The following EPN1 variants were observed in gnomAD, a reference collection of about 807,000 sequenced individuals.
EPN1 encodes the protein epsin-1.
Under a neutral mutation model 56.9 loss-of-function variants are expected in EPN1, and 25 were observed. The observed-to-expected ratio is 0.44, with a 90% CI of 0.32 to 0.61. EPN1 has a LOEUF of 0.61. Ranked by LOEUF, EPN1 falls within the 20% of genes least tolerant of loss-of-function variation. EPN1 has a pLI of 0.05. For missense variants in EPN1, 785 were observed against 823.7 expected, an observed-to-expected ratio of 0.95 and a Z score of 0.58; for synonymous variants, 411 against 361.8, an observed-to-expected ratio of 1.14 and a Z score of -1.54.
In EPN1 at chr19:55,695,259, C is replaced by A; in HGVS notation, c.1634C>A (p.Pro545Gln). 6.2e-7 allele frequency: 1 copy of A among 1,609,800 alleles called. No homozygotes were observed. Among genetic ancestry groups the A allele is most frequent in the African/African-American group, 1.3e-5 (1 of 74,928 alleles). The change falls in exon 11 of 11, where the codon CCA (proline) becomes CAA (glutamine). Residue 545 changes from proline (P) to glutamine (Q), a missense_variant. Pro to Gln is a moderately conservative substitution (Grantham distance 76). Transcript: ENST00000270460. The surrounding 1 kb of genome is among the most constrained non-coding windows in gnomAD (Gnocchi z 4.4). ...LSPVPPVPGA[P>Q]PTYISPLGGG... The stretch of plus-strand genomic sequence containing the variant: ...CCTGTGCCTCCCGTCCCTGGAGCGC[C>A]ACCCACGTACATCTCTCCCCTTGGC...
chr19:55,688,765 T>TG (rs1046900799), intron 3 of EPN1, 105 bp from the exon 4 acceptor site: 3 of 1,484,716 alleles, frequency 2.0e-6, no homozygotes, highest in Non-Finnish European at 9.0e-7. Context: ...GTGGGGGACT[T>TG]GGGGGGTGGG....
At chr19:55,693,740 T>A (rs1168349237) in intron 9 of EPN1, among the ~76,000 whole-genome samples, 1 of 152,168 alleles carries the variant, frequency 6.6e-6, no homozygotes, top group Non-Finnish European at 1.5e-5. Context: ...GAAACCTGTT[T>A]CCACTGATGA....
rs556441234 is a variant in EPN1 at position 55,698,288 on chromosome 19, A to G, written c.*2932A>G. 412 of 152,178 alleles carry G rather than the reference A, an allele frequency of 2.7e-3. 1 individual carries two copies. Among genetic ancestry groups the G allele is most frequent in the Admixed American group, 6.0e-3 (91 of 15,274 alleles). 9.4% of individuals were successfully genotyped at this position (152,178 alleles called of 1,614,324 possible). ...GCTCTCAGGAGCAGATGTGCTTCTG[A>G]CCCGACGTCTTCCCCCAGAGAGGGC... On this transcript the variant is annotated 3_prime_UTR_variant, in exon 11 of 11. Coordinates refer to ENST00000270460, the MANE Select transcript of EPN1 (RefSeq NM_001130072.2).
At position 55,699,494 on chromosome 19, in the gene EPN1, T is replaced by C. The variant is rs1412407889; in HGVS notation, c.*4138T>C. 6.6e-6 allele frequency: 1 copy of C among 152,250 alleles called. No individual in the cohort carries two copies. Among genetic ancestry groups the C allele is most frequent in the Non-Finnish European group, 1.5e-5 (1 of 68,050 alleles). 9.4% of individuals were successfully genotyped at this position (152,250 alleles called of 1,614,324 possible). Reference sequence around the variant, plus strand: ...GTGGTGAGAAACCGGCCTACTCACATCACAGGTGCCCCTGGAGTTTCTCAA... The same window carrying C: ...GTGGTGAGAAACCGGCCTACTCACACCACAGGTGCCCCTGGAGTTTCTCAA... On this transcript the variant is annotated 3_prime_UTR_variant, in exon 11 of 11. Coordinates refer to ENST00000270460, the MANE Select transcript of EPN1 (RefSeq NM_001130072.2).
Position 55,700,972 on chromosome 19 carries a change from G to T in EPN1, c.*5616G>T, listed in dbSNP as rs1987113854. ...GGCAAGCTTAGGGCATCACGTCCAG[G>T]AGTGGCCAGGTCCCGATGTCACGGG... On this transcript the variant is annotated 3_prime_UTR_variant, in exon 11 of 11. Coordinates refer to ENST00000270460, the MANE Select transcript of EPN1 (RefSeq NM_001130072.2). 1 of 152,292 alleles carries T rather than the reference G, an allele frequency of 6.6e-6. No homozygotes were observed. Among genetic ancestry groups the T allele is most frequent in the African/African-American group, 2.4e-5 (1 of 41,448 alleles). 9.4% of individuals were successfully genotyped at this position (152,292 alleles called of 1,614,324 possible). A position where few individuals can be genotyped will look rare whatever the true frequency, so the allele number is the denominator to read the frequency against.
At position 55,689,835 on chromosome 19, in the gene EPN1, A is replaced by G. The variant is rs1460380010; in HGVS notation, c.679-32A>G. The G allele has an allele frequency of 6.3e-7, 1 of 1,574,876 alleles. No individual in the cohort carries two copies. The highest frequency in any genetic ancestry group is 8.6e-7 in the Non-Finnish European group (1 of 1,160,406). On this transcript the variant is annotated intron_variant, in intron 5 of 10. Transcript: ENST00000270460. This position sits in a 1 kb window ranked among gnomAD's most constrained non-coding sequence, Gnocchi z 5.7. ...GCATCTGCCCGTGGCTCACGTTCTC[A>G]TGTCTCCCTGGTCGTGCCCGTGCCC...
chr19:55,684,859 G>C (rs1277170655), intron 2 of EPN1, among the ~76,000 whole-genome samples: 1 of 152,216 alleles, frequency 6.6e-6, no homozygotes, highest in Non-Finnish European at 1.5e-5. Context: ...TGGCGGCTGT[G>C]GTGCCTGTAG....
Position 55,707,939 on chromosome 19 carries a change from G to A in EPN1, c.*12583G>A, listed in dbSNP as rs1987509216. Reference sequence around the variant, plus strand: ...ATTACAGGCGTGAGCCACCACTCCTGGCCTATGCCAGCATTCTTTAAAGTT... The same window carrying A: ...ATTACAGGCGTGAGCCACCACTCCTAGCCTATGCCAGCATTCTTTAAAGTT... On this transcript the variant is annotated 3_prime_UTR_variant, in exon 11 of 11. Transcript: ENST00000270460. The A allele has an allele frequency of 6.6e-6, 1 of 152,668 alleles. No homozygotes were observed. Among genetic ancestry groups the A allele is most frequent in the South Asian group, 2.1e-4 (1 of 4,850 alleles). The allele number at this position is 152,668 out of a possible 1,614,324, so 9.5% of individuals were successfully genotyped here. A position where few individuals can be genotyped will look rare whatever the true frequency, so the allele number is the denominator to read the frequency against.
Position 55,708,752 on chromosome 19 carries a change from A to C in EPN1, c.*13396A>C. The C allele has an allele frequency of 1.9e-6, 1 of 524,510 alleles. No homozygotes were observed. The highest frequency in any genetic ancestry group is 3.4e-6 in the Non-Finnish European group (1 of 296,672). 32.5% of individuals were successfully genotyped at this position (524,510 alleles called of 1,614,324 possible). On this transcript the variant is annotated 3_prime_UTR_variant, in exon 11 of 11. Coordinates refer to ENST00000270460, the MANE Select transcript of EPN1 (RefSeq NM_001130072.2). ...GCAAAGACAATCAGCATGTACACTGAATCACACTCCATAATCATATTGCTA... is the reference window on the plus strand; with the variant it reads ...GCAAAGACAATCAGCATGTACACTGCATCACACTCCATAATCATATTGCTA...
chr19:55,683,583 C>T (rs1005438844), intron 2 of EPN1, among the ~76,000 whole-genome samples: 2 of 152,086 alleles, frequency 1.3e-5, no homozygotes, highest in African/African-American at 4.8e-5. Context: ...GAACCCCTGA[C>T]CTCGGGTGGT....
At chr19:55,675,930 G>A (rs1985382849) in intron 1 of EPN1, among the ~76,000 whole-genome samples, 1 of 152,120 alleles carries the variant, frequency 6.6e-6, no homozygotes, top group African/African-American at 2.4e-5. Flanking sequence ...TTCTTTCCAG[G>A]AGTCTGTTAA....
rs34657895 is a variant in EPN1 at position 55,705,843 on chromosome 19, GAT to G, written c.*10500_*10501del. The G allele has an allele frequency of 0.38, 52,530 of 137,770 alleles. 11,723 individuals carry two copies. Among genetic ancestry groups the G allele is most frequent in the African/African-American group, 0.6 (21,617 of 36,246 alleles). 8.5% of individuals were successfully genotyped at this position (137,770 alleles called of 1,614,324 possible). ...TATATATATATTTAGAGTGTTGTGG[GAT>G]ATATATATATATTTAGAGACAAGGT... On this transcript the variant is annotated 3_prime_UTR_variant, in exon 11 of 11. Transcript: ENST00000270460.
chr19:55,684,769 A>G (rs529511631), intron 2 of EPN1, among the ~76,000 whole-genome samples: 3 of 152,344 alleles, frequency 2.0e-5, no homozygotes, highest in South Asian at 4.1e-4. Context: ...GATTTAACTA[A>G]TGTGGTTTTC....
chr19:55,679,402 A>T (rs1985656131), intron 2 of EPN1, among the ~76,000 whole-genome samples: 1 of 152,122 alleles, frequency 6.6e-6, no homozygotes, highest in Non-Finnish European at 1.5e-5. Flanking sequence ...GGGCCGGGTT[A>T]TACTCCCAGT....
Position 55,689,740 on chromosome 19 carries a change from G to A in EPN1, c.679-127G>A, listed in dbSNP as rs1041948026. 40 of 851,144 alleles carry A rather than the reference G, an allele frequency of 4.7e-5. No homozygotes were observed. Among genetic ancestry groups the A allele is most frequent in the South Asian group, 2.0e-4 (14 of 69,094 alleles). 52.7% of individuals were successfully genotyped at this position (851,144 alleles called of 1,614,324 possible). ...CCCATCCCCATTTCATACATTGTCC[G>A]CATCCCATCGAATCCTTCAGCCGCT... On this transcript the variant is annotated intron_variant, in intron 5 of 10. Coordinates refer to ENST00000270460, the MANE Select transcript of EPN1 (RefSeq NM_001130072.2). The surrounding 1 kb of genome is among the most constrained non-coding windows in gnomAD (Gnocchi z 5.7).
chr19:55,691,975 A>T lies in EPN1; in HGVS notation c.984A>T (p.Gly328=), dbSNP rs751267822. ...CCTGGAGGCCTGCTGCCCCTGCAGG[A>T]CCCTCAGTTGACCCTTGGGGTGGGA... ...GDPWRPAAPA[G]PSVDPWGGTP... is the part of the protein sequence containing the mutation. The change falls in exon 7 of 11, where the codon GGA becomes GGT. Residue 328 remains glycine (G), a synonymous_variant. Coordinates refer to ENST00000270460, the MANE Select transcript of EPN1 (RefSeq NM_001130072.2). This position sits in a 1 kb window ranked among gnomAD's most constrained non-coding sequence, Gnocchi z 5.6. 5 of 1,505,522 alleles carry T rather than the reference A, an allele frequency of 3.3e-6. No homozygotes were observed. The highest frequency in any genetic ancestry group is 4.4e-6 in the Non-Finnish European group (5 of 1,133,568). 93.3% of individuals were successfully genotyped at this position (1,505,522 alleles called of 1,614,324 possible).
In EPN1 at chr19:55,699,832, T is replaced by C. The variant is rs192255659; in HGVS notation, c.*4476T>C. ...CTGTTTGTTTTGTATTGAATGTTTC[T>C]TCATGCTTTTGTTTTACTTTCAGGG... On this transcript the variant is annotated 3_prime_UTR_variant, in exon 11 of 11. Coordinates refer to ENST00000270460, the MANE Select transcript of EPN1 (RefSeq NM_001130072.2). The C allele has an allele frequency of 5.9e-5, 9 of 152,386 alleles. No individual in the cohort carries two copies. In the Middle Eastern group the frequency reaches 0.01, roughly 173 times the overall value. The allele number at this position is 152,386 out of a possible 1,614,324, so 9.4% of individuals were successfully genotyped here.
intron 2 of EPN1, among the ~76,000 whole-genome samples, chr19:55,683,372 A>G (rs1436831520): frequency 2.7e-5 from 4 of 150,942 alleles, no homozygotes; most frequent in Admixed American, 6.6e-5. Context: ...TTTATTTTTA[A>G]ATGGAGTCTC....
intron 1 of EPN1, chr19:55,677,595 T>C: frequency 6.4e-7 from 1 of 1,551,242 alleles, no homozygotes; most frequent in South Asian, 1.2e-5. Flanking sequence ...ATGTCCCTCT[T>C]GTGCTGAGCG....
Sources: gnomAD v4.1 joint callset for allele counts (sites outside exome capture counted in the v4.1 genomes callset) on GRCh38, gnomAD v4.1.1 for gene constraint, Gnocchi (gnomAD v3.1) non-coding constraint, MANE v1.5 for transcripts, NCBI Gene and HGNC (gene_info 2026-07-23, HGNC 2026-07-21) for gene names.